Variants in RUNX1T1 observed in about 807,000 individuals in gnomAD.
RUNX1T1 encodes protein CBFA2T1.
RUNX1T1 carries 4 observed loss-of-function variants against 62.8 expected under a neutral mutation model. That is an observed-to-expected ratio of 0.06 (90% CI 0.03 to 0.15). RUNX1T1 has a LOEUF of 0.15. Among genes scored for constraint, RUNX1T1 ranks in the 10% least tolerant of loss-of-function variants. The pLI is 1.00. For synonymous variants in RUNX1T1, 291 were observed against 286.0 expected (o/e 1.02, Z -0.18); for missense variants, 508 against 754.3 (o/e 0.67, Z 3.82).
At chr8:91,959,695 G>A (rs529454343) in exon 11 of RUNX1T1, 4 of 228,574 alleles carry the variant, frequency 1.7e-5, no homozygotes, top group South Asian at 1.8e-4. Context: ...GTTTTGTAGC[G>A]GGTCTTCAAA....
At chr8:91,966,965 G>A (rs917423737) in intron 10 of RUNX1T1, among the ~76,000 whole-genome samples, 4 of 152,144 alleles carry the variant, frequency 2.6e-5, no homozygotes, top group African/African-American at 9.7e-5. Flanking sequence ...CTCCTGCCAT[G>A]TAGCTACTAA....
At chr8:92,056,016 C>G (rs1459698924) in intron 1 of RUNX1T1, among the ~76,000 whole-genome samples, 1 of 152,116 alleles carries the variant, frequency 6.6e-6, no homozygotes, top group Non-Finnish European at 1.5e-5. Context: ...CAGTCTTATC[C>G]TCATTAGGAC....
At chr8:91,999,567 T>G (rs186741518) in intron 5 of RUNX1T1, among the ~76,000 whole-genome samples, 1 of 152,156 alleles carries the variant, frequency 6.6e-6, no homozygotes, top group Non-Finnish European at 1.5e-5. Flanking sequence ...GGCATTTGAG[T>G]CTGAGAACCC....
chr8:92,026,830 A>G (rs1442673046), intron 1 of RUNX1T1, among the ~76,000 whole-genome samples: 3 of 133,986 alleles, frequency 2.2e-5, no homozygotes, highest in Admixed American at 7.7e-5. Flanking sequence ...TCAAAAACAA[A>G]CAAACGGCCG....
chr8:92,019,031 TACA>T (rs1823563803), intron 1 of RUNX1T1: 1 of 152,172 alleles, frequency 6.6e-6, no homozygotes, highest in African/African-American at 2.4e-5. Flanking sequence ...TTCAGATTGC[TACA>T]ACCAGTAAGT....
At chr8:92,019,525 A>G (rs1324836487) in intron 1 of RUNX1T1, among the ~76,000 whole-genome samples, 1 of 152,130 alleles carries the variant, frequency 6.6e-6, no homozygotes, top group Non-Finnish European at 1.5e-5. Context: ...ATGGGGGAGT[A>G]AGTTACCCTC....
intron 1 of RUNX1T1, among the ~76,000 whole-genome samples, chr8:92,092,838 C>T (rs1032194282): frequency 2.6e-5 from 4 of 152,056 alleles, no homozygotes; most frequent in Admixed American, 2.6e-4. Context: ...AAGAGATTGT[C>T]AGAATAGAAA....
At chr8:92,080,762 A>G (rs1312456015) in intron 1 of RUNX1T1, among the ~76,000 whole-genome samples, 1 of 152,246 alleles carries the variant, frequency 6.6e-6, no homozygotes, top group Non-Finnish European at 1.5e-5. Context: ...ATACTGACTG[A>G]GTAAACAGGG....
chr8:91,955,220 C>T (rs1809858368), downstream of RUNX1T1: 1 of 220,432 alleles, frequency 4.5e-6, no homozygotes. Context: ...TCCAACATAT[C>T]CACTTGAATG....
chr8:92,078,312 TAAAA>T (rs996980515), intron 1 of RUNX1T1, among the ~76,000 whole-genome samples: 2 of 151,898 alleles, frequency 1.3e-5, no homozygotes, highest in African/African-American at 4.8e-5. Flanking sequence ...GAAATAATAA[TAAAA>T]TAAGTAATGG....
At chr8:92,003,006 T>C (rs920602813) in intron 5 of RUNX1T1, among the ~76,000 whole-genome samples, 10 of 152,184 alleles carry the variant, frequency 6.6e-5, no homozygotes, top group African/African-American at 9.6e-5. Context: ...TTACCCTTCC[T>C]CCTAACTCTA....
At chr8:92,065,977 T>C (rs1158364627), upstream of RUNX1T1, among the ~76,000 whole-genome samples, 2 of 152,134 alleles carry the variant, frequency 1.3e-5, no homozygotes, top group Non-Finnish European at 2.9e-5. Flanking sequence ...CCACCAACTA[T>C]TCAATACAAG....
At chr8:92,100,490 A>G (rs921484928), upstream of RUNX1T1, among the ~76,000 whole-genome samples, 6 of 152,228 alleles carry the variant, frequency 3.9e-5, no homozygotes, top group African/African-American at 1.4e-4. Flanking sequence ...TGCACCCAGT[A>G]TAAGACTGAT....
intron 1 of RUNX1T1, among the ~76,000 whole-genome samples, chr8:92,030,312 G>C (rs191756627): frequency 1.7e-4 from 26 of 152,278 alleles, no homozygotes; most frequent in East Asian, 7.7e-4. Flanking sequence ...CCAGAGAGTA[G>C]TGTCCCATAA....
intron 1 of RUNX1T1, chr8:92,095,018 G>A (rs1034481541): frequency 1.3e-6 from 2 of 1,531,790 alleles, no homozygotes; most frequent in African/African-American, 1.4e-5. Flanking sequence ...AGGCCCTCCG[G>A]TATTCTCACC....
intron 1 of RUNX1T1, among the ~76,000 whole-genome samples, chr8:92,032,634 G>A (rs1826477715): frequency 6.6e-6 from 1 of 152,122 alleles, no homozygotes; most frequent in Non-Finnish European, 1.5e-5. Context: ...GTTCCATCAG[G>A]CCAGATGCAG....
chr8:92,066,744 T>C (rs1407126759), upstream of RUNX1T1, among the ~76,000 whole-genome samples: 3 of 152,208 alleles, frequency 2.0e-5, no homozygotes, highest in Middle Eastern at 3.2e-3. Context: ...ATACTTTGTC[T>C]GCAAAAAAAC....
chr8:92,062,744 C>T (rs762665687), exon 1 of RUNX1T1: 11 of 1,564,988 alleles, frequency 7.0e-6, no homozygotes, highest in South Asian at 4.6e-5. Flanking sequence ...GCTGACACTC[C>T]GGATTGCACT....
At chr8:92,069,622 A>G (rs1018159361) in intron 2 of RUNX1T1, among the ~76,000 whole-genome samples, 3 of 152,182 alleles carry the variant, frequency 2.0e-5, no homozygotes, top group African/African-American at 7.2e-5. Context: ...AAACTGCTCT[A>G]TTTGTTCAAA....
Sources: gnomAD v4.1 joint callset for allele counts (sites outside exome capture counted in the v4.1 genomes callset) on GRCh38, gnomAD v4.1.1 for gene constraint, MANE v1.5 for transcripts, NCBI Gene and HGNC (gene_info 2026-07-23, HGNC 2026-07-21) for gene names.